SSUH2: variants seen among roughly 807,000 people sequenced by gnomAD.
The protein encoded by SSUH2 is protein SSUH2 homolog.
SSUH2 carries 47 observed loss-of-function variants against 55.3 expected under a neutral mutation model. The observed-to-expected ratio is 0.85, with a 90% confidence interval of 0.67 to 1.08. SSUH2 has a LOEUF of 1.08. Among genes scored for constraint, SSUH2 ranks in the 50% least tolerant of loss-of-function variants. The probability of loss-of-function intolerance (pLI) is 0.00; values close to 1 mark genes in which losing one functional copy is unlikely to be tolerated. For synonymous variants in SSUH2, 212 were observed against 191.5 expected (o/e 1.11, Z -0.89); for missense variants, 535 against 490.7 (o/e 1.09, Z -0.85).
chr3:8,627,766 G>A lies in SSUH2; in HGVS notation c.606C>T (p.Cys202=), dbSNP rs1290057520. The change falls in exon 8 of 12, where the codon TGC becomes TGT. Residue 202 remains cysteine, a synonymous_variant. Coordinates refer to ENST00000544814, the MANE Select transcript of SSUH2 (RefSeq NM_001256748.3). ...HGAGTVRCPS[C]CGAKRKAKQS... ...GCTTGGCTTTGCGCTTGGCTCCGCA[G>A]CAGGATGGGCACCGCACCTGCAGAC... The A allele has an allele frequency of 1.2e-6, 2 of 1,609,994 alleles. No homozygotes were observed. Among genetic ancestry groups the A allele is most frequent in the Non-Finnish European group, 8.5e-7 (1 of 1,178,364 alleles).
At chr3:8,652,335 C>G (rs1443238713) in intron 7 of SSUH2, among the ~76,000 whole-genome samples, 1 of 152,214 alleles carries the variant, frequency 6.6e-6, no homozygotes, top group African/African-American at 2.4e-5. Context: ...AGACCAGTAA[C>G]AGAAATGGCT....
intron 2 of SSUH2, among the ~76,000 whole-genome samples, chr3:8,679,212 G>GT (rs1705752102): frequency 2.1e-5 from 1 of 48,612 alleles, no homozygotes; most frequent in Non-Finnish European, 4.6e-5. Context: ...ATCGCAGGGG[G>GT]GATGGCACCC....
At chr3:8,629,598 G>A (rs554620241) in intron 7 of SSUH2, 66 bp downstream of exon 7, 156 of 905,514 alleles carry the variant, frequency 1.7e-4, no homozygotes, top group Middle Eastern at 6.3e-4. Flanking sequence ...AGCCCAGCCC[G>A]CTGTCCCCAG....
chr3:8,668,860 A>C (rs149982906), intron 5 of SSUH2, among the ~76,000 whole-genome samples: 1 of 152,256 alleles, frequency 6.6e-6, no homozygotes, highest in East Asian at 1.9e-4. Flanking sequence ...TTATTTTCAC[A>C]ACCTAGGTAG....
At chr3:8,660,323 G>C (rs1292076410) in intron 6 of SSUH2, among the ~76,000 whole-genome samples, 1 of 151,380 alleles carries the variant, frequency 6.6e-6, no homozygotes, top group Non-Finnish European at 1.5e-5. Flanking sequence ...TGCAGGCCAG[G>C]AGCCAAGATC....
chr3:8,621,641 T>C (rs1301482397), intron 11 of SSUH2, among the ~76,000 whole-genome samples: 2 of 152,180 alleles, frequency 1.3e-5, no homozygotes, highest in Non-Finnish European at 1.5e-5. Flanking sequence ...GAAATGGGAA[T>C]AAAAACTCTT....
Position 8,623,347 on chromosome 3 carries a change from C to T in SSUH2, c.981+202G>A, listed in dbSNP as rs917946432. The T allele has an allele frequency of 4.1e-5, 21 of 514,580 alleles. No homozygotes were observed. The East Asian group carries it at 4.5e-4, about 11-fold the overall frequency. The allele number at this position is 514,580 out of a possible 1,614,324, so 31.9% of individuals were successfully genotyped here. A position where few individuals can be genotyped will look rare whatever the true frequency, so the allele number is the denominator to read the frequency against. On this transcript the variant is annotated intron_variant, in intron 11 of 11. Coordinates refer to ENST00000544814, the MANE Select transcript of SSUH2 (RefSeq NM_001256748.3). ...AAATGCAAACTTCTCCTGCGACCCA[C>T]GGTCCTTCCTGCCTCTGCGTCTTAC...
At chr3:8,624,215 G>A (rs1412919000) in intron 10 of SSUH2, among the ~76,000 whole-genome samples, 1 of 151,506 alleles carries the variant, frequency 6.6e-6, no homozygotes, top group Non-Finnish European at 1.5e-5. Context: ...CCTCCCCTGG[G>A]GCTCCCTGTT....
chr3:8,672,886 A>G (rs767952174), intron 3 of SSUH2, among the ~76,000 whole-genome samples: 3 of 152,146 alleles, frequency 2.0e-5, no homozygotes, highest in Non-Finnish European at 4.4e-5. Flanking sequence ...ATTCGGATCA[A>G]TATCACTGGG....
At chr3:8,667,421 T>C (rs1704090943) in intron 5 of SSUH2, among the ~76,000 whole-genome samples, 1 of 152,266 alleles carries the variant, frequency 6.6e-6, no homozygotes, top group African/African-American at 2.4e-5. Context: ...ATCTTGGTTT[T>C]AGTGCATTTT....
chr3:8,637,088 C>T (rs760314662), intron 1 of SSUH2, among the ~76,000 whole-genome samples: 7 of 152,172 alleles, frequency 4.6e-5, no homozygotes, highest in Non-Finnish European at 1.0e-4. Context: ...GAATATGGGT[C>T]TTTTCCTAGG....
intron 11 of SSUH2, among the ~76,000 whole-genome samples, chr3:8,620,962 C>T (rs1372205449): frequency 6.6e-6 from 1 of 151,656 alleles, no homozygotes; most frequent in Non-Finnish European, 1.5e-5. Flanking sequence ...CTTCTCTGAG[C>T]AGTTACTCAA....
intron 3 of SSUH2, among the ~76,000 whole-genome samples, chr3:8,676,485 C>A (rs919451632): frequency 6.6e-6 from 1 of 150,860 alleles, no homozygotes; most frequent in Admixed American, 6.6e-5. Flanking sequence ...AGTCATATCA[C>A]CCCCTCTGCC....
chr3:8,644,899 A>G (rs949717684), upstream of SSUH2: 8 of 731,908 alleles, frequency 1.1e-5, no homozygotes, highest in African/African-American at 1.7e-5. Context: ...AAACATCTAT[A>G]TCGTTCATCA....
intron 6 of SSUH2, among the ~76,000 whole-genome samples, chr3:8,660,160 T>C (rs1332126521): frequency 1.3e-5 from 2 of 151,924 alleles, no homozygotes; most frequent in Non-Finnish European, 2.9e-5. Flanking sequence ...CACAGGAGAG[T>C]GTGGTTACCT....
At chr3:8,671,650 C>A (rs1053556831) in intron 4 of SSUH2, among the ~76,000 whole-genome samples, 5 of 152,172 alleles carry the variant, frequency 3.3e-5, no homozygotes, top group East Asian at 1.9e-4. Flanking sequence ...AATAACATTC[C>A]CCTACAATAT....
At chr3:8,659,469 G>A (rs185112279) in intron 6 of SSUH2, 272 of 205,052 alleles carry the variant, frequency 1.3e-3, no homozygotes, top group African/African-American at 5.9e-3. Context: ...CCAGAGCAGA[G>A]TGAGCTCCCT....
chr3:8,676,545 ATATTGG>A (rs1705296701), intron 3 of SSUH2, among the ~76,000 whole-genome samples: 1 of 151,132 alleles, frequency 6.6e-6, no homozygotes, highest in Admixed American at 6.6e-5. Context: ...ACTTACTGCC[ATATTGG>A]GAGTAATATC....
In SSUH2 at chr3:8,678,486, CA is replaced by C. The variant is rs1324338788; in HGVS notation, c.-900-1134del. ...CCCCTGGCTCTTAGGACCCCCATTG[CA>C]AGGGGGTGAGGCACCCCCCGCGAGG... On this transcript the variant is annotated intron_variant, in intron 2 of 18. Transcript: ENST00000317371. Among the ~76,000 whole-genome samples, 15 of 142,058 alleles carry C rather than the reference CA, an allele frequency of 1.1e-4. 1 individual carries two copies. Among genetic ancestry groups the C allele is most frequent in the Non-Finnish European group, 1.9e-4 (12 of 63,292 alleles). 93.2% of individuals were successfully genotyped at this position (142,058 alleles called of 152,430 possible).
Sources: gnomAD v4.1 joint callset for allele counts (sites outside exome capture counted in the v4.1 genomes callset) on GRCh38, gnomAD v4.1.1 for gene constraint, MANE v1.5 for transcripts, NCBI Gene and HGNC (gene_info 2026-07-23, HGNC 2026-07-21) for gene names.